The following LAMA5 variants were observed in gnomAD, a reference collection of about 807,000 sequenced individuals.
LAMA5 encodes laminin subunit alpha 5.
LAMA5 carries 260 observed loss-of-function variants against 433.4 expected under a neutral mutation model. The ratio of observed to expected loss-of-function variants is 0.60; its 90% CI spans 0.54 to 0.66. LAMA5 has a LOEUF of 0.66. LAMA5 is among the 30% of genes least tolerant of loss of function. The pLI is 0.00. For missense variants in LAMA5, 5,378 were observed against 5,258.5 expected, an observed-to-expected ratio of 1.02 and a Z score of -0.70; for synonymous variants, 2,620 against 2,226.6, an observed-to-expected ratio of 1.18 and a Z score of -4.97.
rs1983318230 is a variant in LAMA5 at position 62,346,099 on chromosome 20, C to T, written c.1399G>A (p.Gly467Ser). The change falls in exon 10 of 80, where the codon GGC (glycine) becomes AGC (serine). Residue 467 changes from glycine to serine, a missense_variant. Transcript: ENST00000252999. ...TGCTCACGGTAGCAGCTTGGGAAGC[C>T]CGTGAAGCCCTCGGCACACACGTCA... Reference protein sequence around the residue: ...RCDVCAEGFTGFPSCYPTPSS... With the variant: ...RCDVCAEGFTSFPSCYPTPSS... 6 of 1,613,008 alleles carry T rather than the reference C, an allele frequency of 3.7e-6. No individual in the cohort carries two copies. The highest frequency in any genetic ancestry group is 2.2e-5 in the South Asian group (2 of 91,082).
intron 45 of LAMA5, 94 bp from the exon 46 acceptor site, chr20:62,322,852 G>T: frequency 1.2e-6 from 1 of 813,114 alleles, no homozygotes; most frequent in Non-Finnish European, 1.8e-6. Flanking sequence ...ACTGCCTCCT[G>T]CTGTGTCTCC....
At position 62,317,030 on chromosome 20, in the gene LAMA5, C is replaced by CGGAAGGGAGGGT; in HGVS notation, c.7512-19_7512-8dup. ...GTTGACGTCCAGGATGATGCTGCAG[C>CGGAAGGGAGGGT]GGAAGGGAGGGTCGAAGGAGTGGGT... On this transcript the variant is annotated splice_region_variant and splice_polypyrimidine_tract_variant and intron_variant, in intron 55 of 79. Coordinates refer to ENST00000252999, the MANE Select transcript of LAMA5 (RefSeq NM_005560.6). 1 of 1,519,254 alleles carries CGGAAGGGAGGGT rather than the reference C, an allele frequency of 6.6e-7. No homozygotes were observed. The highest frequency in any genetic ancestry group is 8.8e-7 in the Non-Finnish European group (1 of 1,132,146). The allele number at this position is 1,519,254 out of a possible 1,614,324, so 94.1% of individuals were successfully genotyped here. A position where few individuals can be genotyped will look rare whatever the true frequency, so the allele number is the denominator to read the frequency against.
intron 34 of LAMA5, 132 bp downstream of exon 34, chr20:62,328,712 G>T: frequency 1.1e-6 from 1 of 940,128 alleles, no homozygotes; most frequent in Non-Finnish European, 1.6e-6. Context: ...GCCCAGGCCC[G>T]CAGATGGGGC....
rs1251264675 is a variant in LAMA5 at position 62,331,123 on chromosome 20, C to T, written c.3559G>A (p.Val1187Ile). 6.3e-7 allele frequency: 1 copy of T among 1,577,196 alleles called. No individual in the cohort carries two copies. Reference sequence around the variant, plus strand: ...AACTCCTCAATGGGCACCAGAGTGACCCCGTGCTGCAGGCAGAGGGACGAG... The same window carrying T: ...AACTCCTCAATGGGCACCAGAGTGATCCCGTGCTGCAGGCAGAGGGACGAG... ...AEQARFFLHG[V>I]TLVPIEEFSP... The change falls in exon 29 of 80, where the codon GTC becomes ATC. Residue 1187 changes from valine (V) to isoleucine (I), a missense_variant. Physicochemically the swap from Val to Ile is conservative, Grantham distance 29. Coordinates refer to ENST00000252999, the MANE Select transcript of LAMA5 (RefSeq NM_005560.6).
At position 62,328,394 on chromosome 20, in the gene LAMA5, C is replaced by T. The variant is rs374710815; in HGVS notation, c.4499G>A (p.Cys1500Tyr). ...LCDELTGQCICPPRTIPPDCL... is the reference protein window; with the variant it reads ...LCDELTGQCIYPPRTIPPDCL... ...GTCGGGCGGGATGGTGCGTGGCGGG[C>T]AGATGCACTGGCCCGTGAGCTCGTC... Residue 1500 changes from cysteine to tyrosine, a missense_variant, in exon 35 of 80, where the codon TGC becomes TAC. Coordinates refer to ENST00000252999, the MANE Select transcript of LAMA5 (RefSeq NM_005560.6). 6.4e-7 allele frequency: 1 copy of T among 1,554,534 alleles called. No individual in the cohort carries two copies. The highest frequency in any genetic ancestry group is 8.7e-7 in the Non-Finnish European group (1 of 1,148,510).
At chr20:62,363,172 T>C (rs80303208) in intron 1 of LAMA5, among the ~76,000 whole-genome samples, 10,165 of 152,160 alleles carry the variant, frequency 0.067, 382 homozygotes, top group South Asian at 0.18. Flanking sequence ...CACAGCCTTC[T>C]GGATTAGGGT....
In LAMA5 at chr20:62,327,272, C is replaced by G; in HGVS notation, c.5073G>C (p.Glu1691Asp). The G allele has an allele frequency of 1.3e-6, 2 of 1,561,648 alleles. No individual in the cohort carries two copies. The highest frequency in any genetic ancestry group is 1.4e-5 in the African/African-American group (1 of 74,014). Residue 1691 changes from glutamate to aspartate, a missense_variant, in exon 38 of 80, where the codon GAG becomes GAC. Physicochemically the swap from Glu to Asp is conservative, Grantham distance 45 (BLOSUM62 2). Coordinates refer to ENST00000252999, the MANE Select transcript of LAMA5 (RefSeq NM_005560.6). ...AGGAGGGTGGGGCCTGCCAGTACAGCTCGGGGAAAGCCTCGGGCACAGCCT... is the reference window on the plus strand; with the variant it reads ...AGGAGGGTGGGGCCTGCCAGTACAGGTCGGGGAAAGCCTCGGGCACAGCCT... ...VPEAVPEAFPELYWQAPPSYL... is the reference protein window; with the variant it reads ...VPEAVPEAFPDLYWQAPPSYL...
Position 62,352,276 on chromosome 20 carries a change from T to C in LAMA5, c.653A>G (p.Glu218Gly). 1.3e-6 allele frequency: 2 copies of C among 1,599,856 alleles called. No homozygotes were observed. Among genetic ancestry groups the C allele is most frequent in the Non-Finnish European group, 8.5e-7 (1 of 1,179,640 alleles). The change falls in exon 4 of 80, where the codon GAG becomes GGG. Residue 218 changes from glutamate (E) to glycine (G), a missense_variant. Glu to Gly is a moderately conservative substitution (Grantham distance 98). Transcript: ENST00000252999. The part of the protein sequence containing the change: ...TRDDAAICTT[E>G]YSRIVPLENG... ...CTCCAGGGGCACGATGCGTGAGTAC[T>C]CGGTGGTGCAGATGGCCGCGTCGTC... is the stretch of plus-strand genomic sequence containing the variant.
intron 2 of LAMA5, among the ~76,000 whole-genome samples, chr20:62,357,237 G>A (rs998895500): frequency 1.4e-4 from 22 of 152,302 alleles, no homozygotes; most frequent in Admixed American, 1.2e-3. Context: ...AGCCTTCCCC[G>A]GCAGCCTGGA....
At position 62,325,419 on chromosome 20, in the gene LAMA5, C is replaced by T. The variant is rs537611491; in HGVS notation, c.5426G>A (p.Arg1809His). ...FSQISSAVFL[R>H]RVALEVASPA... Reference sequence around the variant, plus strand: ...GCTGGCCACCTCCAGTGCCACCCTGCGCAGGAAGACAGCCGAGGAGATCTG... The same window carrying T: ...GCTGGCCACCTCCAGTGCCACCCTGTGCAGGAAGACAGCCGAGGAGATCTG... The change falls in exon 41 of 80, where the codon CGC becomes CAC. Residue 1809 changes from arginine to histidine, a missense_variant. Coordinates refer to ENST00000252999, the MANE Select transcript of LAMA5 (RefSeq NM_005560.6). 8.6e-5 allele frequency: 138 copies of T among 1,612,210 alleles called. No homozygotes were observed. The highest frequency in any genetic ancestry group is 3.8e-4 in the East Asian group (17 of 44,876).
At chr20:62,341,826 CAAAAAAAAA>C (rs11466846) in intron 11 of LAMA5, among the ~76,000 whole-genome samples, 23 of 128,154 alleles carry the variant, frequency 1.8e-4, no homozygotes, top group East Asian at 2.0e-4. Context: ...TCTGATCAAC[CAAAAAAAAA>C]AAAAAAAAAA....
chr20:62,355,712 CAGA>C (rs1283788018), intron 2 of LAMA5, among the ~76,000 whole-genome samples: 2 of 152,126 alleles, frequency 1.3e-5, no homozygotes, highest in African/African-American at 4.8e-5. Flanking sequence ...TCTTCAGGGA[CAGA>C]CCCTATACCC....
Position 62,311,035 on chromosome 20 carries a change from G to T in LAMA5, c.10148C>A (p.Ala3383Asp), listed in dbSNP as rs751034946. 3 of 1,608,864 alleles carry T rather than the reference G, an allele frequency of 1.9e-6. No homozygotes were observed. The stretch of plus-strand genomic sequence containing the variant: ...GGAGGGGCTGCCGGGCCTCAGACGG[G>T]CAGTGAAGAGGAGGAGGCCTCGGGA... ...RSSRGLLLFT[A>D]RLRPGSPSLA... The change falls in exon 74 of 80, where the codon GCC becomes GAC. Residue 3383 changes from alanine to aspartate, a missense_variant. Physicochemically the swap from Ala to Asp is moderately radical, Grantham distance 126 (BLOSUM62 -2). Coordinates refer to ENST00000252999, the MANE Select transcript of LAMA5 (RefSeq NM_005560.6).
intron 2 of LAMA5, among the ~76,000 whole-genome samples, chr20:62,360,174 G>T (rs142274919): frequency 0.011 from 1,729 of 150,872 alleles, 30 homozygotes; most frequent in African/African-American, 0.038. Flanking sequence ...GCCGAGACAG[G>T]GGCCTTGGTA....
intron 16 of LAMA5, 90 bp from the exon 17 acceptor site, chr20:62,336,876 C>T (rs1012549663): frequency 1.1e-5 from 14 of 1,329,718 alleles, no homozygotes; most frequent in Middle Eastern, 1.8e-4. Context: ...CCCACGGTCC[C>T]ACAGGAGCTG....
At chr20:62,314,205 G>C in intron 62 of LAMA5, 99 bp downstream of exon 62, 6 of 1,424,904 alleles carry the variant, frequency 4.2e-6, no homozygotes, top group Non-Finnish European at 5.7e-6. Flanking sequence ...TGGGCATGGA[G>C]AGGTGAAGGG....
At chr20:62,350,678 C>T (rs560529094) in intron 6 of LAMA5, among the ~76,000 whole-genome samples, 9 of 152,310 alleles carry the variant, frequency 5.9e-5, no homozygotes, top group Admixed American at 2.0e-4. Context: ...CCTCGTCACA[C>T]ACTCAGCCTC....
Position 62,351,544 on chromosome 20 carries a change from GCA to G in LAMA5, c.956+158_956+159del, listed in dbSNP as rs71843490. Among the ~76,000 whole-genome samples the G allele has an allele frequency of 0.23, 34,273 of 152,050 alleles. 3,967 individuals carry two copies. The highest frequency in any genetic ancestry group is 0.25 in the Non-Finnish European group (16,929 of 67,960). ...TCACTGCACAGATGAGGAAACTGAGGCACACACGGCGGTGGTCAGTGCAGGTC... is the reference window on the plus strand; with the variant it reads ...TCACTGCACAGATGAGGAAACTGAGGCACACGGCGGTGGTCAGTGCAGGTC... On this transcript the variant is annotated intron_variant, in intron 6 of 79. Transcript: ENST00000252999.
Position 62,345,980 on chromosome 20 carries a change from G to C in LAMA5, c.1417+101C>G. 3.8e-6 allele frequency: 6 copies of C among 1,582,142 alleles called. 1 individual carries two copies. The highest frequency in any genetic ancestry group is 5.2e-6 in the Non-Finnish European group (6 of 1,157,446). On this transcript the variant is annotated intron_variant, in intron 10 of 79. Coordinates refer to ENST00000252999, the MANE Select transcript of LAMA5 (RefSeq NM_005560.6). ...CTCAGCACAATCGGAGATGCAGGCA[G>C]GATAACATGGTCCATCCCGGGGAAC...
Sources: allele counts gnomAD v4.1 joint callset (sites outside exome capture counted in the v4.1 genomes callset), GRCh38; gene constraint gnomAD v4.1.1; transcripts MANE v1.5; gene names NCBI Gene and HGNC (gene_info 2026-07-23, HGNC 2026-07-21).